The following SCFD1 variants were observed in gnomAD, a reference collection of about 807,000 sequenced individuals.
SCFD1 encodes sec1 family domain containing 1, also known as sec1 family domain-containing protein 1.
SCFD1 carries 37 observed loss-of-function variants against 103.2 expected under a neutral mutation model. The ratio of observed to expected loss-of-function variants is 0.36; its 90% CI spans 0.28 to 0.47. The LOEUF (loss-of-function observed/expected upper bound fraction) is 0.47, where lower values mean the gene tolerates loss of function less well. SCFD1 is among the 20% of genes least tolerant of loss of function. The probability of loss-of-function intolerance (pLI) is 1.00; values close to 1 mark genes in which losing one functional copy is unlikely to be tolerated. For missense variants in SCFD1, 639 were observed against 761.2 expected, an observed-to-expected ratio of 0.84 and a Z score of 1.89; for synonymous variants, 264 against 245.0, an observed-to-expected ratio of 1.08 and a Z score of -0.73.
At chr14:30,656,573 G>A (rs1886927245) in intron 10 of SCFD1, among the ~76,000 whole-genome samples, 1 of 152,092 alleles carries the variant, frequency 6.6e-6, no homozygotes, top group South Asian at 2.1e-4. Flanking sequence ...TATACCCCGG[G>A]TGGCAGAAAG....
intron 14 of SCFD1, among the ~76,000 whole-genome samples, chr14:30,692,920 G>A (rs1297984051): frequency 3.3e-5 from 5 of 151,924 alleles, no homozygotes; most frequent in Admixed American, 6.6e-5. Flanking sequence ...TTAAATACCC[G>A]TCTTGTCCTT....
At chr14:30,624,062 A>G (rs1883132313) in intron 1 of SCFD1, among the ~76,000 whole-genome samples, 1 of 152,182 alleles carries the variant, frequency 6.6e-6, no homozygotes, top group African/African-American at 2.4e-5. Context: ...ATAGAGGTAA[A>G]CTAACGTGCC....
At chr14:30,727,908 A>C (rs958210101) in intron 23 of SCFD1, among the ~76,000 whole-genome samples, 1 of 152,206 alleles carries the variant, frequency 6.6e-6, no homozygotes, top group Middle Eastern at 3.2e-3. Context: ...TGAAAAAAAA[A>C]CATTAATTCC....
chr14:30,667,291 C>T (rs530432051), intron 10 of SCFD1, among the ~76,000 whole-genome samples: 1 of 152,236 alleles, frequency 6.6e-6, no homozygotes, highest in East Asian at 1.9e-4. Context: ...ATAAACAGAA[C>T]CAAAGACAAA....
intron 10 of SCFD1, among the ~76,000 whole-genome samples, chr14:30,660,639 A>G (rs985444897): frequency 1.3e-5 from 2 of 151,784 alleles, no homozygotes; most frequent in Non-Finnish European, 2.9e-5. Flanking sequence ...TTTATCACCT[A>G]CTTAGGACAA....
chr14:30,673,697 A>C (rs1341575873), intron 12 of SCFD1, among the ~76,000 whole-genome samples: 1 of 152,122 alleles, frequency 6.6e-6, no homozygotes, highest in Non-Finnish European at 1.5e-5. Flanking sequence ...ATGCCAGCTG[A>C]TCATTTAGAC....
chr14:30,728,802 T>C (rs1893230990), intron 23 of SCFD1, among the ~76,000 whole-genome samples: 1 of 152,000 alleles, frequency 6.6e-6, no homozygotes, highest in South Asian at 2.1e-4. Context: ...GCCATTTGTA[T>C]ATCTTTGGAG....
chr14:30,731,372 T>A (rs1893451654), intron 23 of SCFD1, among the ~76,000 whole-genome samples: 1 of 152,248 alleles, frequency 6.6e-6, no homozygotes, highest in Admixed American at 6.5e-5. Flanking sequence ...AAGTAGTTTT[T>A]TCCAATTCTG....
chr14:30,699,172 C>A (rs1055703948), intron 15 of SCFD1, among the ~76,000 whole-genome samples: 7 of 152,126 alleles, frequency 4.6e-5, no homozygotes, highest in Admixed American at 3.9e-4. Flanking sequence ...AACATGAGAA[C>A]TTTAGAGAAC....
At chr14:30,694,999 G>A in intron 15 of SCFD1, 130 bp downstream of exon 15, 1 of 1,439,636 alleles carries the variant, frequency 6.9e-7, no homozygotes, top group Non-Finnish European at 9.1e-7. Context: ...AATTAAATGA[G>A]CTATTTTCTG....
At chr14:30,707,716 G>C in intron 18 of SCFD1, 1 of 416,392 alleles carries the variant, frequency 2.4e-6, no homozygotes, top group Non-Finnish European at 4.5e-6. Context: ...AGGAAATTAA[G>C]ATGTTTATTT....
At chr14:30,719,221 A>G in intron 20 of SCFD1, 104 bp from the exon 21 acceptor site, 4 of 736,894 alleles carry the variant, frequency 5.4e-6, no homozygotes, top group Non-Finnish European at 9.4e-6. Context: ...GTTGTTATAC[A>G]TTCTACAAAA....
chr14:30,681,176 G>A (rs1042462980), intron 14 of SCFD1, among the ~76,000 whole-genome samples: 10 of 150,250 alleles, frequency 6.7e-5, no homozygotes, highest in Non-Finnish European at 1.3e-4. Flanking sequence ...AGCCGAGATC[G>A]TGCTATTGCA....
At chr14:30,639,674 A>AT (rs981937484) in intron 5 of SCFD1, 103 bp from the exon 6 acceptor site, 85 of 1,209,352 alleles carry the variant, frequency 7.0e-5, no homozygotes, top group Middle Eastern at 3.0e-4. Context: ...TGTAATTAGG[A>AT]TTTTTTTTCA....
intron 19 of SCFD1, among the ~76,000 whole-genome samples, chr14:30,713,164 G>A (rs112855123): frequency 1.3e-5 from 2 of 152,138 alleles, no homozygotes; most frequent in Non-Finnish European, 2.9e-5. Flanking sequence ...ATGAAGGCTA[G>A]CTAGAGCATT....
At position 30,643,386 on chromosome 14, in the gene SCFD1, C is replaced by T. The variant is rs776376882; in HGVS notation, c.594C>T (p.Phe198=). The T allele has an allele frequency of 1.2e-6, 2 of 1,612,584 alleles. No homozygotes were observed. Among genetic ancestry groups the T allele is most frequent in the Admixed American group, 1.7e-5 (1 of 60,002 alleles). The change falls in exon 7 of 25, where the codon TTC becomes TTT. Residue 198 remains phenylalanine (F), a synonymous_variant. Transcript: ENST00000458591. The part of the protein sequence containing the change: ...TVMDTIVDSL[F]CFFVTLGAVP... ...TGGACACTATAGTTGACAGCCTCTT[C>T]TGCTTTTTTGTTACTCTGGGTAAGT... is the stretch of plus-strand genomic sequence containing the variant.
At chr14:30,632,181 T>A (rs1157412878) in intron 3 of SCFD1, among the ~76,000 whole-genome samples, 1 of 152,122 alleles carries the variant, frequency 6.6e-6, no homozygotes, top group Non-Finnish European at 1.5e-5. Context: ...CTATTTATGA[T>A]GTTATAACCA....
chr14:30,683,264 T>A, intron 14 of SCFD1: 1 of 1,050,212 alleles, frequency 9.5e-7, no homozygotes, highest in Admixed American at 2.3e-5. Context: ...TCCAGGCATA[T>A]GTTACCCTGG....
At chr14:30,641,988 G>T (rs1002897286) in intron 6 of SCFD1, among the ~76,000 whole-genome samples, 3 of 152,186 alleles carry the variant, frequency 2.0e-5, no homozygotes, top group Admixed American at 6.5e-5. Context: ...AGTAAGTCAA[G>T]GTCTTTGTCA....
Sources: gnomAD v4.1 joint callset for allele counts (sites outside exome capture counted in the v4.1 genomes callset) on GRCh38, gnomAD v4.1.1 for gene constraint, MANE v1.5 for transcripts, NCBI Gene and HGNC (gene_info 2026-07-23, HGNC 2026-07-21) for gene names.